SMARCA2: variants seen among roughly 807,000 people sequenced by gnomAD.
The protein encoded by SMARCA2 is SWI/SNF-related matrix-associated actin-dependent regulator of chromatin subfamily A member 2.
SMARCA2 carries 61 observed loss-of-function variants against 199.8 expected under a neutral mutation model. The observed-to-expected ratio is 0.31, with a 90% CI of 0.25 to 0.38. SMARCA2 has a LOEUF of 0.38. Ranked by LOEUF, SMARCA2 falls within the 10% of genes least tolerant of loss-of-function variation. SMARCA2 has a pLI of 1.00. For synonymous variants in SMARCA2, 935 were observed against 732.0 expected (o/e 1.28, Z -4.48); for missense variants, 1,344 against 2,012.2 (o/e 0.67, Z 6.35).
intron 23 of SMARCA2, among the ~76,000 whole-genome samples, chr9:2,108,087 A>G (rs750221150): frequency 2.0e-5 from 3 of 152,198 alleles, no homozygotes; most frequent in Non-Finnish European, 2.9e-5. Flanking sequence ...GGACATACAT[A>G]CAAAAAATGG....
At chr9:2,055,804 A>G (rs1208511770) in intron 6 of SMARCA2, 1 of 152,248 alleles carries the variant, frequency 6.6e-6, no homozygotes, top group East Asian at 1.9e-4. Context: ...AAGATGAATT[A>G]ATAAAGTGCT....
At chr9:2,146,810 G>C (rs989391063) in intron 27 of SMARCA2, among the ~76,000 whole-genome samples, 12 of 152,142 alleles carry the variant, frequency 7.9e-5, no homozygotes, top group Admixed American at 7.9e-4. Flanking sequence ...GCTCTGGTGG[G>C]AGTGTAGCAG....
At position 2,169,330 on chromosome 9, in the gene SMARCA2, C is replaced by A. The variant is rs542917053; in HGVS notation, c.4200-1089C>A. 6.6e-6 allele frequency among the ~76,000 whole-genome samples: 1 copy of A among 152,162 alleles called. No individual in the cohort carries two copies. The highest frequency in any genetic ancestry group is 6.5e-5 in the Admixed American group (1 of 15,270). ...ATTGTAACTTTAGAACTCTTCACAG[C>A]GGCCCCGTTGCCTACCCGATGATGA... On this transcript the variant is annotated intron_variant, in intron 28 of 33. Transcript: ENST00000349721. This position sits in a 1 kb window ranked among gnomAD's most constrained non-coding sequence, Gnocchi z 6.5.
intron 13 of SMARCA2, among the ~76,000 whole-genome samples, chr9:2,077,272 G>A (rs1188906643): frequency 4.6e-5 from 7 of 152,126 alleles, no homozygotes; most frequent in East Asian, 1.9e-4. Context: ...CAGCTTCATC[G>A]GCAAAGTATT....
At chr9:2,040,685 C>T (rs1819565857) in intron 4 of SMARCA2, 1 of 152,210 alleles carries the variant, frequency 6.6e-6, no homozygotes, top group Admixed American at 6.5e-5. Flanking sequence ...ACAGAAACAT[C>T]AATAGCATTT....
At chr9:2,138,563 C>A (rs976855415) in intron 27 of SMARCA2, among the ~76,000 whole-genome samples, 1 of 152,208 alleles carries the variant, frequency 6.6e-6, no homozygotes, top group African/African-American at 2.4e-5. Context: ...TTTACCAAGG[C>A]TTCCCATAGT....
rs963738794 is a variant in SMARCA2 at position 2,170,779 on chromosome 9, C to G, written c.4253+307C>G. ...TGGAGATGGGTTTCTGTTGCTTCCCCCTCCCTTCCAGCGCAGCTTCTGTTG... is the reference window on the plus strand; with the variant it reads ...TGGAGATGGGTTTCTGTTGCTTCCCGCTCCCTTCCAGCGCAGCTTCTGTTG... On this transcript the variant is annotated intron_variant, in intron 29 of 33. Coordinates refer to ENST00000349721, the MANE Select transcript of SMARCA2 (RefSeq NM_003070.5). This position sits in a 1 kb window ranked among gnomAD's most constrained non-coding sequence, Gnocchi z 4.7. 1.3e-5 allele frequency among the ~76,000 whole-genome samples: 2 copies of G among 152,178 alleles called. No homozygotes were observed. Among genetic ancestry groups the G allele is most frequent in the African/African-American group, 4.8e-5 (2 of 41,428 alleles).
rs1471659350 is a variant in SMARCA2 at position 2,181,740 on chromosome 9, A to G, written c.4359+64A>G. On this transcript the variant is annotated intron_variant, in intron 30 of 33. Coordinates refer to ENST00000349721, the MANE Select transcript of SMARCA2 (RefSeq NM_003070.5). The stretch of plus-strand genomic sequence containing the variant: ...TAAAGGAGCAGTGTAAAGTCATTGA[A>G]ATGGTTGTAGTTGGAGCTGACCGCC... The G allele has an allele frequency of 7.6e-6, 7 of 915,322 alleles. No individual in the cohort carries two copies. In the Admixed American group the frequency reaches 1.3e-4, roughly 17 times the overall value. 56.7% of individuals were successfully genotyped at this position (915,322 alleles called of 1,614,324 possible).
At chr9:2,051,528 C>T (rs1563733381) in intron 5 of SMARCA2, among the ~76,000 whole-genome samples, 1 of 152,210 alleles carries the variant, frequency 6.6e-6, no homozygotes, top group Non-Finnish European at 1.5e-5. Context: ...TAATCTCTAC[C>T]CTATCACCCC....
chr9:2,124,890 A>G (rs1192566471), intron 27 of SMARCA2, among the ~76,000 whole-genome samples: 1 of 152,188 alleles, frequency 6.6e-6, no homozygotes, highest in African/African-American at 2.4e-5. Context: ...TGGGACGTGC[A>G]TTCCAGACAC....
intron 27 of SMARCA2, among the ~76,000 whole-genome samples, chr9:2,134,034 G>A (rs1824083625): frequency 6.6e-6 from 1 of 152,168 alleles, no homozygotes; most frequent in African/African-American, 2.4e-5. Context: ...TTAAAGGTGT[G>A]TAACATAGAA....
At chr9:2,042,557 A>C (rs1337052557) in intron 4 of SMARCA2, 1 of 152,228 alleles carries the variant, frequency 6.6e-6, no homozygotes, top group African/African-American at 2.4e-5. Context: ...TTAAAGGATG[A>C]AGTTCCATTT....
chr9:2,136,182 G>A (rs554654384), intron 27 of SMARCA2, among the ~76,000 whole-genome samples: 2 of 138,140 alleles, frequency 1.4e-5, no homozygotes, highest in Admixed American at 7.1e-5. Context: ...ATTATCCCCT[G>A]CTTCTTTTTT....
intron 31 of SMARCA2, among the ~76,000 whole-genome samples, chr9:2,183,338 C>T (rs559810659): frequency 2.0e-5 from 3 of 152,284 alleles, no homozygotes; most frequent in Admixed American, 1.3e-4. Flanking sequence ...AATTGCAATT[C>T]TCTTTTTACT....
chr9:2,073,346 A>G lies in SMARCA2; in HGVS notation c.1877+4A>G. On this transcript the variant is annotated splice_donor_region_variant and intron_variant, in intron 11 of 33. Coordinates refer to ENST00000349721, the MANE Select transcript of SMARCA2 (RefSeq NM_003070.5). ...CCTGGCTGGAAATGAATCCTGGGTA[A>G]GGCATGAAAGCAGCGTTCATGGTGT... 6.2e-7 allele frequency: 1 copy of G among 1,614,194 alleles called. No individual in the cohort carries two copies. The highest frequency in any genetic ancestry group is 8.5e-7 in the Non-Finnish European group (1 of 1,180,032).
chr9:2,103,271 A>G (rs1355439914), intron 22 of SMARCA2, among the ~76,000 whole-genome samples: 1 of 152,164 alleles, frequency 6.6e-6, no homozygotes. Context: ...GTAACATGAA[A>G]GCAGCCAGAC....
At chr9:2,174,450 G>C (rs1396032901) in intron 29 of SMARCA2, among the ~76,000 whole-genome samples, 2 of 152,138 alleles carry the variant, frequency 1.3e-5, no homozygotes, top group African/African-American at 2.4e-5. Context: ...TATTACAACA[G>C]CCATTGTAGG....
chr9:2,182,972 G>A (rs531819451), intron 31 of SMARCA2, among the ~76,000 whole-genome samples: 1 of 151,820 alleles, frequency 6.6e-6, no homozygotes, highest in East Asian at 1.9e-4. Context: ...TGTATTTTTA[G>A]TAGAGACGGG....
At position 2,058,434 on chromosome 9, in the gene SMARCA2, G is replaced by T; in HGVS notation, c.1491G>T (p.Arg497=). The T allele has an allele frequency of 6.2e-7, 1 of 1,614,128 alleles. No homozygotes were observed. The highest frequency in any genetic ancestry group is 8.5e-7 in the Non-Finnish European group (1 of 1,180,002). The change falls in exon 8 of 34, where the codon CGG becomes CGT. Residue 497 remains arginine (R), a synonymous_variant. Transcript: ENST00000349721. The part of the protein sequence containing the change: ...TEREQKKETE[R]IEKERMRRLM... ...GAGAGCAGAAGAAGGAGACAGAGCGGATTGAAAAGGAGAGAATGCGGCGAC... is the reference window on the plus strand; with the variant it reads ...GAGAGCAGAAGAAGGAGACAGAGCGTATTGAAAAGGAGAGAATGCGGCGAC...
Sources: allele counts gnomAD v4.1 joint callset (sites outside exome capture counted in the v4.1 genomes callset), GRCh38; gene constraint gnomAD v4.1.1; non-coding constraint Gnocchi (gnomAD v3.1); transcripts MANE v1.5; gene names NCBI Gene and HGNC (gene_info 2026-07-23, HGNC 2026-07-21).